The following MAN1A1 variants were observed in gnomAD, a reference collection of about 807,000 sequenced individuals.
MAN1A1 encodes mannosidase alpha class 1A member 1.
Under a neutral mutation model 70.8 loss-of-function variants are expected in MAN1A1, and 29 were observed. That is an observed-to-expected ratio of 0.41 (90% confidence interval 0.31 to 0.56). MAN1A1 has a LOEUF of 0.56. Ranked by LOEUF, MAN1A1 falls within the 20% of genes least tolerant of loss-of-function variation. The pLI, the probability that MAN1A1 is intolerant of heterozygous loss-of-function variation, is 0.29. For synonymous variants in MAN1A1, 349 were observed against 330.1 expected (o/e 1.06, Z -0.62); for missense variants, 747 against 841.3 (o/e 0.89, Z 1.39).
chr6:119,229,063 T>C (rs1272998063), intron 6 of MAN1A1, among the ~76,000 whole-genome samples: 2 of 152,188 alleles, frequency 1.3e-5, no homozygotes, highest in Admixed American at 6.5e-5. Flanking sequence ...GTAACTAGTA[T>C]ACACGTGTAA....
At chr6:119,231,239 T>G (rs1172151373) in intron 6 of MAN1A1, among the ~76,000 whole-genome samples, 2 of 152,142 alleles carry the variant, frequency 1.3e-5, no homozygotes, top group African/African-American at 2.4e-5. Context: ...TCCCCACGTC[T>G]CAAGGGTGGG....
At chr6:119,275,147 G>T (rs972098857) in intron 5 of MAN1A1, among the ~76,000 whole-genome samples, 2 of 151,526 alleles carry the variant, frequency 1.3e-5, no homozygotes, top group Non-Finnish European at 2.9e-5. Flanking sequence ...GTCTCACCCT[G>T]TTGCCCAGGC....
intron 2 of MAN1A1, among the ~76,000 whole-genome samples, chr6:119,330,396 A>T (rs1554216630): frequency 6.6e-6 from 1 of 151,040 alleles, no homozygotes; most frequent in African/African-American, 2.4e-5. Flanking sequence ...TTCCTCTCTC[A>T]CTCTCCATTT....
At chr6:119,235,178 G>A (rs780909221) in intron 6 of MAN1A1, among the ~76,000 whole-genome samples, 10 of 152,294 alleles carry the variant, frequency 6.6e-5, no homozygotes, top group Middle Eastern at 3.4e-3. Context: ...TGGACTCTGA[G>A]TGTTCACATG....
chr6:119,252,489 A>G (rs1775344702), intron 5 of MAN1A1, among the ~76,000 whole-genome samples: 2 of 152,192 alleles, frequency 1.3e-5, no homozygotes, highest in African/African-American at 2.4e-5. Context: ...CATACAGTGC[A>G]GTCTTGATTC....
chr6:119,248,316 C>A lies in MAN1A1; in HGVS notation c.936G>T (p.Leu312Phe), dbSNP rs1775222754. Residue 312 changes from leucine to phenylalanine, a missense_variant, in exon 6 of 13, where the codon TTG becomes TTT. Transcript: ENST00000368468. Reference sequence around the variant, plus strand: ...CAGAGGGAGTATGAAATGCAGGTAGCAATTTTACCCCAAGTTCCACTGCTT... The same window carrying A: ...CAGAGGGAGTATGAAATGCAGGTAGAAATTTTACCCCAAGTTCCACTGCTT... Reference protein sequence around the residue: ...RKKAVELGVKLLPAFHTPSGI... With the variant: ...RKKAVELGVKFLPAFHTPSGI... The A allele has an allele frequency of 6.2e-6, 10 of 1,613,560 alleles. No individual in the cohort carries two copies. The highest frequency in any genetic ancestry group is 7.6e-6 in the Non-Finnish European group (9 of 1,179,532).
intron 10 of MAN1A1, among the ~76,000 whole-genome samples, chr6:119,188,852 T>G (rs1485916173): frequency 6.6e-6 from 1 of 152,194 alleles, no homozygotes; most frequent in Non-Finnish European, 1.5e-5. Context: ...TAACTAGGTG[T>G]TATACTGTAT....
chr6:119,290,606 C>A (rs1467151831), intron 5 of MAN1A1, 77 bp downstream of exon 5: 5 of 950,184 alleles, frequency 5.3e-6, no homozygotes, highest in South Asian at 1.5e-5. Context: ...AAATATATGT[C>A]ACGAATGGCA....
chr6:119,221,318 C>T (rs371760957), intron 6 of MAN1A1, among the ~76,000 whole-genome samples: 2 of 152,088 alleles, frequency 1.3e-5, no homozygotes, highest in African/African-American at 4.8e-5. Context: ...CCACAGATAA[C>T]CACTGTTACT....
At chr6:119,324,915 T>C (rs1773106795) in intron 2 of MAN1A1, among the ~76,000 whole-genome samples, 1 of 152,124 alleles carries the variant, frequency 6.6e-6, no homozygotes, top group Admixed American at 6.5e-5. Flanking sequence ...CAGAGTGGTG[T>C]CCCTGGCCTG....
intron 6 of MAN1A1, among the ~76,000 whole-genome samples, chr6:119,243,455 AT>A (rs1775066419): frequency 6.6e-6 from 1 of 152,110 alleles, no homozygotes. Flanking sequence ...CTTTAACAAT[AT>A]TTAACCTATC....
At chr6:119,302,147 TA>T (rs1232411785) in intron 3 of MAN1A1, 44 bp from the exon 4 acceptor site, 3 of 927,044 alleles carry the variant, frequency 3.2e-6, no homozygotes, top group Non-Finnish European at 5.2e-6. Flanking sequence ...TTTGCCTAGA[TA>T]AAATATATGT....
intron 2 of MAN1A1, among the ~76,000 whole-genome samples, chr6:119,322,749 TGTTGA>T (rs1455095515): frequency 6.6e-6 from 1 of 152,236 alleles, no homozygotes; most frequent in Non-Finnish European, 1.5e-5. Flanking sequence ...CTGATAAAAC[TGTTGA>T]GTTTTTTCCA....
chr6:119,263,466 A>G (rs1775667483), intron 5 of MAN1A1, among the ~76,000 whole-genome samples: 3 of 152,196 alleles, frequency 2.0e-5, no homozygotes. Flanking sequence ...ACATATGGAC[A>G]CAAAGAAAGG....
chr6:119,239,037 C>T (rs1774931021), intron 6 of MAN1A1, among the ~76,000 whole-genome samples: 1 of 152,032 alleles, frequency 6.6e-6, no homozygotes, highest in South Asian at 2.1e-4. Context: ...ACTACAGGTA[C>T]CTGCCACCGC....
At chr6:119,297,779 G>A (rs184115887) in intron 4 of MAN1A1, among the ~76,000 whole-genome samples, 3 of 97,432 alleles carry the variant, frequency 3.1e-5, no homozygotes, top group Admixed American at 1.4e-4. Flanking sequence ...TCGCTCTGTC[G>A]CCCAGGCTGG....
At chr6:119,248,755 G>A (rs1212330780) in intron 5 of MAN1A1, among the ~76,000 whole-genome samples, 1 of 152,192 alleles carries the variant, frequency 6.6e-6, no homozygotes, top group African/African-American at 2.4e-5. Context: ...GACCCGGACT[G>A]AGAACCAGGA....
In MAN1A1 at chr6:119,293,938, C is replaced by T. The variant is rs1772123548; in HGVS notation, c.817-3175G>A. On this transcript the variant is annotated intron_variant, in intron 4 of 12. Coordinates refer to ENST00000368468, the MANE Select transcript of MAN1A1 (RefSeq NM_005907.4). ...CATACGTAGAAAGGGACAATGAATT[C>T]CTCCATGATGTAAAGCAATGTACAC... is the stretch of plus-strand genomic sequence containing the variant. Among the ~76,000 whole-genome samples, 4 of 152,156 alleles carry T rather than the reference C, an allele frequency of 2.6e-5. No individual in the cohort carries two copies. The South Asian group carries it at 8.3e-4, about 32-fold the overall frequency.
At chr6:119,285,233 C>A (rs116562691) in intron 5 of MAN1A1, among the ~76,000 whole-genome samples, 7,276 of 151,742 alleles carry the variant, frequency 0.048, 193 homozygotes, top group Middle Eastern at 0.078. Flanking sequence ...CTCCCTCAGT[C>A]TCCCCAAGTG....
Sources: allele counts gnomAD v4.1 joint callset (sites outside exome capture counted in the v4.1 genomes callset), GRCh38; gene constraint gnomAD v4.1.1; transcripts MANE v1.5; gene names NCBI Gene and HGNC (gene_info 2026-07-23, HGNC 2026-07-21).